Variants in DMBT1 observed in about 807,000 individuals in gnomAD.
DMBT1 encodes the protein scavenger receptor cysteine-rich domain-containing protein DMBT1.
A neutral mutation model predicts 252.9 loss-of-function variants in DMBT1; 198 were observed. That is an observed-to-expected ratio of 0.78 (90% confidence interval 0.70 to 0.88). The LOEUF is 0.88. Ranked by LOEUF, DMBT1 falls within the 40% of genes least tolerant of loss-of-function variation. DMBT1 has a pLI of 0.00. For synonymous variants in DMBT1, 990 were observed against 942.7 expected, an observed-to-expected ratio of 1.05 and a Z score of -0.92; for missense variants, 2,432 against 2,404.7, an observed-to-expected ratio of 1.01 and a Z score of -0.24.
chr10:122,591,157 T>A (rs2097846518), intron 18 of DMBT1, among the ~76,000 whole-genome samples: 1 of 148,712 alleles, frequency 6.7e-6, no homozygotes, highest in African/African-American at 2.4e-5. Flanking sequence ...AACATTTTAG[T>A]TTCAAGCGTG....
In DMBT1 at chr10:122,599,058, A is replaced by C; in HGVS notation, c.3241A>C (p.Asn1081His). 1.9e-6 allele frequency: 3 copies of C among 1,613,792 alleles called. No homozygotes were observed. Among genetic ancestry groups the C allele is most frequent in the Non-Finnish European group, 2.5e-6 (3 of 1,179,754 alleles). Residue 1081 changes from asparagine to histidine, a missense_variant, in exon 26 of 56, where the codon AAC becomes CAC. This residue lies in a region of DMBT1 where 1,264 missense variants were observed against 1,082.2 expected (regional missense o/e 1.17). Coordinates refer to ENST00000338354, the MANE Select transcript of DMBT1 (RefSeq NM_001377530.1). ...SCPHNGWLSHNCGHSEDAGVI... is the reference protein window; with the variant it reads ...SCPHNGWLSHHCGHSEDAGVI... Reference sequence around the variant, plus strand: ...CCCCCACAATGGCTGGCTCTCCCACAACTGTGGCCATAGTGAAGACGCTGG... The same window carrying C: ...CCCCCACAATGGCTGGCTCTCCCACCACTGTGGCCATAGTGAAGACGCTGG...
chr10:122,571,665 G>T (rs551810209), intron 4 of DMBT1, among the ~76,000 whole-genome samples: 99 of 152,272 alleles, frequency 6.5e-4, no homozygotes, highest in Non-Finnish European at 1.1e-3. Flanking sequence ...GAAGAAACCT[G>T]CAAGGACACT....
chr10:122,578,731 C>T lies in DMBT1; in HGVS notation c.651C>T (p.Val217=). The T allele has an allele frequency of 6.2e-7, 1 of 1,609,234 alleles. No individual in the cohort carries two copies. Among genetic ancestry groups the T allele is most frequent in the Admixed American group, 1.7e-5 (1 of 59,598 alleles). Residue 217 remains valine, a synonymous_variant, in exon 9 of 56, where the codon GTC becomes GTT. Coordinates refer to ENST00000338354, the MANE Select transcript of DMBT1 (RefSeq NM_001377530.1). ...TGCTGTTTACAGAAAGTTGGCCTGTCAGGATATCACCACCTGTACCCACAG... is the reference window on the plus strand; with the variant it reads ...TGCTGTTTACAGAAAGTTGGCCTGTTAGGATATCACCACCTGTACCCACAG... ...QSTLRPESWP[V]RISPPVPTEG... is the part of the protein sequence containing the mutation.
chr10:122,637,337 T>C (rs1227094121), intron 54 of DMBT1, 25 bp downstream of exon 54: 1 of 1,571,302 alleles, frequency 6.4e-7, no homozygotes, highest in East Asian at 2.3e-5. Context: ...TCCCATTCCA[T>C]TTCCCAGTGC....
intron 1 of DMBT1, among the ~76,000 whole-genome samples, chr10:122,565,652 A>C (rs1222444359): frequency 6.6e-6 from 1 of 152,208 alleles, no homozygotes; most frequent in Non-Finnish European, 1.5e-5. Context: ...AACGAGCTTA[A>C]GCTGTCTTCT....
At chr10:122,600,027 A>G in intron 26 of DMBT1, 37 bp from the exon 27 acceptor site, 1 of 1,607,254 alleles carries the variant, frequency 6.2e-7, no homozygotes, top group Non-Finnish European at 8.5e-7. Context: ...CTTCTGTGTA[A>G]TGTTCCTGAT....
intron 46 of DMBT1, among the ~76,000 whole-genome samples, chr10:122,628,860 C>T (rs995389069): frequency 3.3e-5 from 5 of 151,952 alleles, no homozygotes; most frequent in African/African-American, 1.2e-4. Flanking sequence ...CTAATGAGTA[C>T]AGGGTTTCTT....
chr10:122,590,589 T>A lies in DMBT1; in HGVS notation c.2108-76T>A. ...AGGGTGGACTGAAGGCGCTACCAGT[T>A]TAGTTCCTTGTACCTTTGTTCTGGT... On this transcript the variant is annotated intron_variant, in intron 17 of 55. Coordinates refer to ENST00000338354, the MANE Select transcript of DMBT1 (RefSeq NM_001377530.1). 3.9e-6 allele frequency: 6 copies of A among 1,520,564 alleles called. 1 individual carries two copies. The allele number at this position is 1,520,564 out of a possible 1,614,324, so 94.2% of individuals were successfully genotyped here.
At chr10:122,626,052 C>A (rs2098116848) in intron 46 of DMBT1, 87 bp downstream of exon 46, 3 of 1,081,068 alleles carry the variant, frequency 2.8e-6, no homozygotes, top group South Asian at 1.2e-5. Context: ...CTCTGCCCCA[C>A]CCCAGCCTTC....
chr10:122,566,305 TTTTTTTC>T (rs2097591054), intron 2 of DMBT1, among the ~76,000 whole-genome samples: 1 of 117,068 alleles, frequency 8.5e-6, no homozygotes, highest in African/African-American at 3.0e-5. Context: ...ACCTTTTCTT[TTTTTTTC>T]TTTTTCTTTT....
chr10:122,576,660 C>G lies in DMBT1; in HGVS notation c.545C>G (p.Pro182Arg). ...CACGAATCCTACCTGTGGAGCTGCC[C>G]CCACAATGGCTGGCTCTCCCATAAC... The part of the protein sequence containing the change: ...SGHESYLWSC[P>R]HNGWLSHNCG... Residue 182 changes from proline to arginine, a missense_variant, in exon 7 of 56, where the codon CCC becomes CGC. By Grantham distance (103) the Pro-to-Arg change is moderately radical. Around this residue, in one of 3 missense-constraint regions of DMBT1, gnomAD observed 1,264 missense variants for 1,082.2 expected, o/e 1.17. Coordinates refer to ENST00000338354, the MANE Select transcript of DMBT1 (RefSeq NM_001377530.1). 1.2e-6 allele frequency: 2 copies of G among 1,613,760 alleles called. No individual in the cohort carries two copies. Among genetic ancestry groups the G allele is most frequent in the South Asian group, 2.2e-5 (2 of 91,054 alleles).
At chr10:122,591,589 A>G in intron 19 of DMBT1, 72 bp downstream of exon 19, 2 of 1,466,824 alleles carry the variant, frequency 1.4e-6, no homozygotes, top group Non-Finnish European at 1.9e-6. Flanking sequence ...TGAAAATGAT[A>G]GGATGAGGGT....
Position 122,589,032 on chromosome 10 carries a change from C to T in DMBT1, c.1872C>T (p.Gly624=). The T allele has an allele frequency of 1.9e-6, 3 of 1,588,760 alleles. No homozygotes were observed. The South Asian group carries it at 3.5e-5, about 18-fold the overall frequency. ...AGGTCCTATACCGAGGCTCTTGGGG[C>T]ACCGTGTGTGATGACAGCTGGGACA... is the stretch of plus-strand genomic sequence containing the variant. ...RVEVLYRGSW[G]TVCDDSWDTN... is the part of the protein sequence containing the mutation. The change falls in exon 17 of 56, where the codon GGC becomes GGT. Residue 624 remains glycine (G), a synonymous_variant. Coordinates refer to ENST00000338354, the MANE Select transcript of DMBT1 (RefSeq NM_001377530.1).
intron 52 of DMBT1, among the ~76,000 whole-genome samples, 164 bp from the exon 53 acceptor site, chr10:122,635,827 A>T (rs1291602201): frequency 6.6e-6 from 1 of 152,142 alleles, no homozygotes; most frequent in Non-Finnish European, 1.5e-5. Flanking sequence ...AAGTGCTGGG[A>T]TTATAAGTGT....
chr10:122,620,313 C>T, intron 43 of DMBT1, 22 bp downstream of exon 43: 2 of 1,613,378 alleles, frequency 1.2e-6, no homozygotes, highest in Non-Finnish European at 1.7e-6. Flanking sequence ...TCTCGCCCCT[C>T]CCTAGGGCTC....
chr10:122,588,413 AG>A (rs2097812732), intron 16 of DMBT1, among the ~76,000 whole-genome samples: 1 of 147,948 alleles, frequency 6.8e-6, no homozygotes, highest in African/African-American at 2.4e-5. Flanking sequence ...AAAAAAAAAA[AG>A]ATCCTCATCC....
Position 122,587,243 on chromosome 10 carries a change from G to A in DMBT1, c.1783+860G>A, listed in dbSNP as rs115964039. Among the ~76,000 whole-genome samples, 1,180 of 148,620 alleles carry A rather than the reference G, an allele frequency of 7.9e-3. 46 individuals are homozygous for A. Among genetic ancestry groups the A allele is most frequent in the African/African-American group, 0.027 (1,120 of 41,170 alleles). On this transcript the variant is annotated intron_variant, in intron 16 of 55. Transcript: ENST00000338354. ...GCATTGAGGGAGGGACGGTCTGACT[G>A]GGAGGATTCCAGAACCAAGGGCTCA...
intron 7 of DMBT1, 88 bp downstream of exon 7, chr10:122,576,810 T>A: frequency 6.5e-7 from 1 of 1,536,602 alleles, no homozygotes; most frequent in South Asian, 1.2e-5. Flanking sequence ...GCAGATTGCT[T>A]GAGCTCAGGC....
At chr10:122,618,374 A>G (rs760227859) in intron 41 of DMBT1, 34 bp downstream of exon 41, 2 of 1,613,452 alleles carry the variant, frequency 1.2e-6, no homozygotes, top group Non-Finnish European at 1.7e-6. Context: ...CCCTCTCTTA[A>G]GTTGAAGTTT....
Sources: allele counts gnomAD v4.1 joint callset (sites outside exome capture counted in the v4.1 genomes callset), GRCh38; gene constraint gnomAD v4.1.1; regional missense constraint gnomAD v4.1.1; transcripts MANE v1.5; gene names NCBI Gene and HGNC (gene_info 2026-07-23, HGNC 2026-07-21).